FRMD4B: variants seen among roughly 807,000 people sequenced by gnomAD.
FRMD4B encodes the protein FERM domain containing 4B.
In FRMD4B, 74 loss-of-function variants were observed where a neutral mutation model predicts 141.5. The observed-to-expected ratio is 0.52, with a 90% CI of 0.43 to 0.63. The LOEUF (loss-of-function observed/expected upper bound fraction) is 0.63, where lower values mean the gene tolerates loss of function less well. Ranked by LOEUF, FRMD4B falls within the 30% of genes least tolerant of loss-of-function variation. The probability of loss-of-function intolerance (pLI) is 0.00; values close to 1 mark genes in which losing one functional copy is unlikely to be tolerated. For synonymous variants in FRMD4B, 506 were observed against 467.9 expected (o/e 1.08, Z -1.05); for missense variants, 1,366 against 1,253.4 (o/e 1.09, Z -1.36).
intron 1 of FRMD4B, among the ~76,000 whole-genome samples, chr3:69,506,680 G>A (rs1335738260): frequency 6.6e-6 from 1 of 151,918 alleles, no homozygotes; most frequent in Non-Finnish European, 1.5e-5. Context: ...ACTATAGGCG[G>A]GGGCCACCAC....
At chr3:69,300,830 C>T (rs972096585) in intron 4 of FRMD4B, among the ~76,000 whole-genome samples, 2 of 152,024 alleles carry the variant, frequency 1.3e-5, no homozygotes, top group Non-Finnish European at 2.9e-5. Flanking sequence ...CCTCCGCCTC[C>T]AGGGTTCAAG....
chr3:69,217,939 A>G (rs1010351905), intron 10 of FRMD4B, among the ~76,000 whole-genome samples: 2 of 152,188 alleles, frequency 1.3e-5, no homozygotes, highest in African/African-American at 4.8e-5. Flanking sequence ...AGTGTATGTA[A>G]TACACTGATT....
At chr3:69,254,988 G>A (rs1274435147) in intron 5 of FRMD4B, among the ~76,000 whole-genome samples, 2 of 152,122 alleles carry the variant, frequency 1.3e-5, no homozygotes, top group African/African-American at 4.8e-5. Flanking sequence ...GAAAAAAGAG[G>A]TTCCAACGTA....
chr3:69,181,365 CTT>C lies in FRMD4B; in HGVS notation c.2383_2384del (p.Lys795GlufsTer21). ...KDSLRNGVYS[K>X]SQEPPSSSYY... ...AACTGGAAGACGGTGGCTCCTGACT[CTT>C]TGAGTAAACACCATTCCTCAAACTA... On this transcript the variant is annotated frameshift_variant, in exon 21 of 23. Coordinates refer to ENST00000398540, the MANE Select transcript of FRMD4B (RefSeq NM_015123.3). LOFTEE classifies it high-confidence loss of function. 1.9e-6 allele frequency: 3 copies of C among 1,613,856 alleles called. No homozygotes were observed. The highest frequency in any genetic ancestry group is 1.3e-5 in the African/African-American group (1 of 75,044).
intron 1 of FRMD4B, among the ~76,000 whole-genome samples, chr3:69,494,243 G>A (rs1487709135): frequency 6.6e-6 from 1 of 152,180 alleles, no homozygotes; most frequent in Non-Finnish European, 1.5e-5. Context: ...TTAACCACAG[G>A]GAGGTGGTGT....
intron 11 of FRMD4B, chr3:69,200,337 A>G: frequency 1.3e-6 from 1 of 761,326 alleles, no homozygotes; most frequent in Non-Finnish European, 1.6e-6. Flanking sequence ...ACTCAGGTTC[A>G]CAGAAGAATT....
intron 2 of FRMD4B, among the ~76,000 whole-genome samples, chr3:69,429,156 C>T (rs1055529002): frequency 6.6e-6 from 1 of 152,176 alleles, no homozygotes; most frequent in Non-Finnish European, 1.5e-5. Context: ...CACTTCTCTC[C>T]TATCAACAAC....
chr3:69,464,251 T>C (rs974074763), intron 1 of FRMD4B, among the ~76,000 whole-genome samples: 1 of 152,182 alleles, frequency 6.6e-6, no homozygotes, highest in Non-Finnish European at 1.5e-5. Context: ...ACCTATCCTG[T>C]CAGAAATGGG....
At chr3:69,216,874 T>C (rs1276934962) in intron 10 of FRMD4B, among the ~76,000 whole-genome samples, 1 of 152,064 alleles carries the variant, frequency 6.6e-6, no homozygotes, top group Non-Finnish European at 1.5e-5. Flanking sequence ...GGACTGTTAA[T>C]ACCATCAAAA....
intron 1 of FRMD4B, among the ~76,000 whole-genome samples, chr3:69,318,383 A>G (rs925643559): frequency 1.3e-5 from 2 of 152,202 alleles, no homozygotes; most frequent in Non-Finnish European, 2.9e-5. Context: ...TGATGTCATT[A>G]ATACGAGAAA....
intron 2 of FRMD4B, among the ~76,000 whole-genome samples, chr3:69,431,320 C>T: frequency 6.6e-6 from 1 of 152,342 alleles, no homozygotes; most frequent in Admixed American, 6.5e-5. Flanking sequence ...GAGAAGTACA[C>T]TGAGCCCCTG....
intron 1 of FRMD4B, among the ~76,000 whole-genome samples, chr3:69,485,786 C>T (rs190863253): frequency 7.2e-5 from 11 of 152,332 alleles, no homozygotes; most frequent in East Asian, 1.9e-4. Flanking sequence ...CCTGGTGCGA[C>T]GCAGCCCAGC....
At chr3:69,190,141 A>G (rs1228142225) in intron 17 of FRMD4B, among the ~76,000 whole-genome samples, 189 bp from the exon 18 acceptor site, 1 of 152,216 alleles carries the variant, frequency 6.6e-6, no homozygotes, top group African/African-American at 2.4e-5. Context: ...CATTTTACAT[A>G]TTGTACGAAT....
At chr3:69,446,156 T>C (rs1033761135) in intron 1 of FRMD4B, among the ~76,000 whole-genome samples, 1 of 151,612 alleles carries the variant, frequency 6.6e-6, no homozygotes, top group African/African-American at 2.4e-5. Flanking sequence ...GCCTCCTGAG[T>C]AGCTGGGATT....
intron 7 of FRMD4B, among the ~76,000 whole-genome samples, chr3:69,242,145 C>T (rs942986232): frequency 3.3e-5 from 5 of 152,038 alleles, no homozygotes; most frequent in African/African-American, 1.2e-4. Context: ...GAAATGGTTC[C>T]AGAGAGGCTA....
Position 69,368,862 on chromosome 3 carries a change from T to C in FRMD4B, c.162+16966A>G, listed in dbSNP as rs544937089. ...TTTTTGTAGAGATGAGGTTTGACCA[T>C]GTTGCCCAGGCTGGTCTTGAACTCT... is the stretch of plus-strand genomic sequence containing the variant. On this transcript the variant is annotated intron_variant, in intron 1 of 22. Coordinates refer to ENST00000398540, the MANE Select transcript of FRMD4B (RefSeq NM_015123.3). 1.6e-4 allele frequency among the ~76,000 whole-genome samples: 24 copies of C among 152,290 alleles called. No individual in the cohort carries two copies. In the Middle Eastern group the frequency reaches 0.01, roughly 65 times the overall value.
intron 5 of FRMD4B, among the ~76,000 whole-genome samples, chr3:69,254,664 G>A (rs1339428320): frequency 6.6e-6 from 1 of 152,034 alleles, no homozygotes; most frequent in East Asian, 1.9e-4. Context: ...AAATGAAAAT[G>A]TTTCACAACT....
rs1001621478 is a variant in FRMD4B at position 69,250,157 on chromosome 3, T to C, written c.502-58A>G. ...TGGGGCTGTCCTAGATTGTAGCAAA[T>C]GGCTCTGAAGTTGAGGAAGCTGTCA... On this transcript the variant is annotated intron_variant, in intron 5 of 22. Transcript: ENST00000398540. The C allele has an allele frequency of 4.2e-6, 5 of 1,196,536 alleles. No individual in the cohort carries two copies. In the African/African-American group the frequency reaches 4.5e-5, roughly 11 times the overall value. 74.1% of individuals were successfully genotyped at this position (1,196,536 alleles called of 1,614,324 possible).
At chr3:69,514,580 CA>C (rs1700720649) in intron 1 of FRMD4B, among the ~76,000 whole-genome samples, 1 of 151,952 alleles carries the variant, frequency 6.6e-6, no homozygotes. Context: ...CCCAGCTACT[CA>C]GGAGGCTGAG....
Sources: gnomAD v4.1 joint callset for allele counts (sites outside exome capture counted in the v4.1 genomes callset) on GRCh38, gnomAD v4.1.1 for gene constraint, MANE v1.5 for transcripts, NCBI Gene and HGNC (gene_info 2026-07-23, HGNC 2026-07-21) for gene names.